Variants in LGR4 observed in about 807,000 individuals in gnomAD.
LGR4 encodes leucine-rich repeat-containing G protein-coupled receptor 4.
In LGR4, 44 loss-of-function variants were observed where a neutral mutation model predicts 84.8. The observed-to-expected ratio is 0.52, with a 90% CI of 0.41 to 0.67. LGR4 has a LOEUF of 0.67. Ranked by LOEUF, LGR4 falls within the 30% of genes least tolerant of loss-of-function variation. The probability of loss-of-function intolerance (pLI) is 0.00; values close to 1 mark genes in which losing one functional copy is unlikely to be tolerated. For synonymous variants in LGR4, 429 were observed against 434.3 expected (o/e 0.99, Z 0.15); for missense variants, 1,032 against 1,131.4 (o/e 0.91, Z 1.26).
chr11:27,457,266 A>AT (rs111593643), intron 1 of LGR4, among the ~76,000 whole-genome samples: 225 of 152,302 alleles, frequency 1.5e-3, no homozygotes, highest in African/African-American at 5.3e-3. Context: ...CTAAATATCC[A>AT]TTTTTTAAAA....
intron 1 of LGR4, among the ~76,000 whole-genome samples, chr11:27,459,760 C>A (rs1040051628): frequency 1.3e-5 from 2 of 151,568 alleles, no homozygotes; most frequent in Non-Finnish European, 2.9e-5. Flanking sequence ...CAGGCATGAG[C>A]CACAGCACCT....
rs747288850 is a variant in LGR4 at position 27,384,416 on chromosome 11, G to C, written c.618-9C>G. On this transcript the variant is annotated splice_polypyrimidine_tract_variant and intron_variant, in intron 5 of 17. Coordinates refer to ENST00000379214, the MANE Select transcript of LGR4 (RefSeq NM_018490.5). Reference sequence around the variant, plus strand: ...TATTGTTATGAAGATGCCTAAGGGGGAAAAAAAGCATAAAATGACTTTTCC... The same window carrying C: ...TATTGTTATGAAGATGCCTAAGGGGCAAAAAAAGCATAAAATGACTTTTCC... 3.1e-6 allele frequency: 5 copies of C among 1,591,902 alleles called. No homozygotes were observed. In the African/African-American group the frequency reaches 6.7e-5, roughly 21 times the overall value.
At position 27,419,186 on chromosome 11, in the gene LGR4, T is replaced by C. The variant is rs187004531; in HGVS notation, c.186-6326A>G. On this transcript the variant is annotated intron_variant, in intron 1 of 17. Transcript: ENST00000379214. ...ATTTGCAAAACATATAAAGAATTTA[T>C]ATTACAATGTAGAAAGAACTCTTAT... Among the ~76,000 whole-genome samples, 15 of 152,296 alleles carry C rather than the reference T, an allele frequency of 9.8e-5. No homozygotes were observed. The East Asian group carries it at 1.7e-3, about 18-fold the overall frequency.
chr11:27,420,003 G>C (rs1279120817), intron 1 of LGR4, among the ~76,000 whole-genome samples: 1 of 152,058 alleles, frequency 6.6e-6, no homozygotes, highest in Non-Finnish European at 1.5e-5. Flanking sequence ...TCTTGATTTT[G>C]ATAGCAGTTA....
chr11:27,467,364 A>T (rs1864796514), intron 1 of LGR4, among the ~76,000 whole-genome samples: 1 of 151,956 alleles, frequency 6.6e-6, no homozygotes, highest in Non-Finnish European at 1.5e-5. Context: ...TCAGGAATTC[A>T]AGACCAGCCT....
At chr11:27,445,770 C>A (rs1864379160) in intron 1 of LGR4, among the ~76,000 whole-genome samples, 1 of 152,064 alleles carries the variant, frequency 6.6e-6, no homozygotes, top group Admixed American at 6.6e-5. Context: ...CCCAGCTACT[C>A]TGAAGGCAGA....
At chr11:27,423,247 C>A (rs1863955255) in intron 1 of LGR4, among the ~76,000 whole-genome samples, 1 of 152,234 alleles carries the variant, frequency 6.6e-6, no homozygotes, top group South Asian at 2.1e-4. Context: ...AAGGCACTGA[C>A]CTCATTATGT....
intron 1 of LGR4, among the ~76,000 whole-genome samples, chr11:27,463,363 G>GA (rs1242364872): frequency 1.3e-5 from 2 of 152,066 alleles, no homozygotes; most frequent in African/African-American, 2.4e-5. Flanking sequence ...TTTCCTTGTA[G>GA]AAAAAATTAA....
At chr11:27,399,154 A>AC (rs1213732998) in intron 2 of LGR4, among the ~76,000 whole-genome samples, 2 of 151,738 alleles carry the variant, frequency 1.3e-5, no homozygotes, top group Non-Finnish European at 2.9e-5. Context: ...CAGGTGATCC[A>AC]CCCCCCTCAG....
intron 17 of LGR4, among the ~76,000 whole-genome samples, chr11:27,369,783 TC>T (rs1862846813): frequency 6.6e-6 from 1 of 152,346 alleles, no homozygotes; most frequent in African/African-American, 2.4e-5. Flanking sequence ...TTATATATTT[TC>T]TTATGACTTT....
intron 7 of LGR4, among the ~76,000 whole-genome samples, chr11:27,381,676 T>C (rs1465543010): frequency 1.3e-5 from 2 of 151,018 alleles, no homozygotes; most frequent in Non-Finnish European, 2.9e-5. Context: ...GGCGACAGAG[T>C]GAGACTCCGT....
At chr11:27,390,261 A>G (rs931589410) in intron 4 of LGR4, among the ~76,000 whole-genome samples, 1 of 152,126 alleles carries the variant, frequency 6.6e-6, no homozygotes, top group African/African-American at 2.4e-5. Context: ...ATTTGCAGTT[A>G]TTTCAAAGTA....
intron 4 of LGR4, among the ~76,000 whole-genome samples, chr11:27,388,535 T>G (rs1428966958): frequency 6.6e-6 from 1 of 152,184 alleles, no homozygotes; most frequent in Admixed American, 6.6e-5. Flanking sequence ...ACATATTTAT[T>G]CACTCAATTT....
chr11:27,428,923 G>A (rs1361940214), intron 1 of LGR4, among the ~76,000 whole-genome samples: 1 of 152,088 alleles, frequency 6.6e-6, no homozygotes, highest in Non-Finnish European at 1.5e-5. Context: ...TTTTGTCCAT[G>A]TAGCCGGTAG....
chr11:27,468,585 A>G (rs79971822), intron 1 of LGR4, among the ~76,000 whole-genome samples: 3,324 of 152,282 alleles, frequency 0.022, 75 homozygotes, highest in Middle Eastern at 0.061. Context: ...TCACCTTGCC[A>G]TCCTAAAATG....
chr11:27,408,631 C>T lies in LGR4; in HGVS notation c.257+4158G>A, dbSNP rs551579935. Among the ~76,000 whole-genome samples the T allele has an allele frequency of 1.3e-4, 20 of 152,204 alleles. No individual in the cohort carries two copies. The East Asian group carries it at 1.7e-3, about 13-fold the overall frequency. On this transcript the variant is annotated intron_variant, in intron 2 of 17. Coordinates refer to ENST00000379214, the MANE Select transcript of LGR4 (RefSeq NM_018490.5). The stretch of plus-strand genomic sequence containing the variant: ...GGAGAGCCAAAAACATGTCTGACAA[C>T]GTCACATCAGGCAGCAGAGCCTGTC...
chr11:27,444,947 CA>C (rs1864363664), intron 1 of LGR4, among the ~76,000 whole-genome samples: 1 of 152,166 alleles, frequency 6.6e-6, no homozygotes, highest in Non-Finnish European at 1.5e-5. Context: ...CTAACAAAGC[CA>C]TCATTCTGGG....
Position 27,472,246 on chromosome 11 carries a change from G to A in LGR4, c.57C>T (p.Ala19=), listed in dbSNP as rs1590422854. 7.6e-6 allele frequency: 10 copies of A among 1,322,496 alleles called. No individual in the cohort carries two copies. Among genetic ancestry groups the A allele is most frequent in the Non-Finnish European group, 9.6e-6 (10 of 1,041,826 alleles). The allele number at this position is 1,322,496 out of a possible 1,614,324, so 81.9% of individuals were successfully genotyped here. ...CFLALGLLGS[A]GPSGAAPPLC... is the part of the protein sequence containing the mutation. Reference sequence around the variant, plus strand: ...GAGGCGGCGCCGCGCCGCTGGGCCCGGCCGAGCCGAGCAGCCCCAGGGCGA... The same window carrying A: ...GAGGCGGCGCCGCGCCGCTGGGCCCAGCCGAGCCGAGCAGCCCCAGGGCGA... The change falls in exon 1 of 18, where the codon GCC becomes GCT. Residue 19 remains alanine, a synonymous_variant. Coordinates refer to ENST00000379214, the MANE Select transcript of LGR4 (RefSeq NM_018490.5).
chr11:27,414,408 GAAA>G (rs1192065072), intron 1 of LGR4, among the ~76,000 whole-genome samples: 1 of 148,594 alleles, frequency 6.7e-6, no homozygotes. Context: ...AAAAAAAAAA[GAAA>G]AAAGAAAAAG....
Sources: allele counts gnomAD v4.1 joint callset (sites outside exome capture counted in the v4.1 genomes callset), GRCh38; gene constraint gnomAD v4.1.1; transcripts MANE v1.5; gene names NCBI Gene and HGNC (gene_info 2026-07-23, HGNC 2026-07-21).